Variants in COL22A1 observed in about 807,000 individuals in gnomAD.
COL22A1 encodes collagen alpha-1(XXII) chain.
COL22A1 carries 221 observed loss-of-function variants against 248.9 expected under a neutral mutation model. That is an observed-to-expected ratio of 0.89 (90% CI 0.80 to 0.99). The LOEUF (loss-of-function observed/expected upper bound fraction) is 0.99, where lower values mean the gene tolerates loss of function less well. Among genes scored for constraint, COL22A1 ranks in the 50% least tolerant of loss-of-function variants. COL22A1 has a pLI of 0.00. For synonymous variants in COL22A1, 891 were observed against 793.4 expected (o/e 1.12, Z -2.07); for missense variants, 2,240 against 2,179.0 (o/e 1.03, Z -0.56).
At chr8:138,877,258 G>T (rs550114350) in intron 3 of COL22A1, among the ~76,000 whole-genome samples, 1 of 152,208 alleles carries the variant, frequency 6.6e-6, no homozygotes, top group Non-Finnish European at 1.5e-5. Context: ...GGGCTGCTGG[G>T]AAGAGCCGAG....
In COL22A1 at chr8:138,883,205, G is replaced by A; in HGVS notation, c.-33C>T. ...CTGTTCTTGGGGACAGGCTTCTCTT[G>A]GCCAGGAAGAGACGCTGTTAGGGTC... On this transcript the variant is annotated 5_prime_UTR_variant, in exon 2 of 65. Transcript: ENST00000303045. The A allele has an allele frequency of 6.5e-7, 1 of 1,549,528 alleles. No individual in the cohort carries two copies. The highest frequency in any genetic ancestry group is 1.2e-5 in the South Asian group (1 of 84,208).
rs1401906375 is a variant in COL22A1 at position 138,646,671 on chromosome 8, C to T, written c.3459G>A (p.Gly1153=). The T allele has an allele frequency of 8.2e-6, 13 of 1,579,372 alleles. No individual in the cohort carries two copies. Among genetic ancestry groups the T allele is most frequent in the African/African-American group, 1.3e-5 (1 of 74,278 alleles). The part of the protein sequence containing the change: ...EGTEGKKGEA[G]PPGLPGPPGI... The stretch of plus-strand genomic sequence containing the variant: ...CTGGGGGCCCTGGTAGGCCTGGAGG[C>T]CCAGCCTCTCCCTGTATCAGGGATA... Residue 1153 remains glycine (G), a synonymous_variant, in exon 47 of 65, where the codon GGG becomes GGA. Transcript: ENST00000303045.
chr8:138,591,988 C>A lies in COL22A1; in HGVS notation c.4616-487G>T, dbSNP rs143893101. Among the ~76,000 whole-genome samples the A allele has an allele frequency of 1.9e-3, 288 of 152,262 alleles. 2 individuals are homozygous for A. The highest frequency in any genetic ancestry group is 6.8e-3 in the African/African-American group (284 of 41,564). Reference sequence around the variant, plus strand: ...CTTCCTGTGTTTTCAAAGCATTGTACCTGAACCTTTGTCAGGAAGAAACTG... The same window carrying A: ...CTTCCTGTGTTTTCAAAGCATTGTAACTGAACCTTTGTCAGGAAGAAACTG... On this transcript the variant is annotated intron_variant, in intron 63 of 64. Coordinates refer to ENST00000303045, the MANE Select transcript of COL22A1 (RefSeq NM_152888.3).
intron 3 of COL22A1, among the ~76,000 whole-genome samples, chr8:138,844,466 C>T (rs1360199688): frequency 6.6e-6 from 1 of 152,212 alleles, no homozygotes; most frequent in Non-Finnish European, 1.5e-5. Flanking sequence ...TCAATATTAA[C>T]AACATAGCGG....
chr8:138,606,477 A>T, intron 57 of COL22A1, 25 bp from the exon 58 acceptor site: 1 of 1,610,132 alleles, frequency 6.2e-7, no homozygotes, highest in Non-Finnish European at 8.5e-7. Context: ...CTGAGAATTA[A>T]TTCCTCAAGG....
At chr8:138,618,964 C>G (rs1417619212) in intron 53 of COL22A1, among the ~76,000 whole-genome samples, 1 of 152,090 alleles carries the variant, frequency 6.6e-6, no homozygotes, top group African/African-American at 2.4e-5. Context: ...AAAAAATACA[C>G]TGAATATTAA....
intron 10 of COL22A1, among the ~76,000 whole-genome samples, chr8:138,803,227 C>T (rs970630507): frequency 6.6e-6 from 1 of 152,170 alleles, no homozygotes; most frequent in Non-Finnish European, 1.5e-5. Context: ...ACCAGGGCCT[C>T]GGAAGGGGAA....
chr8:138,774,345 A>G lies in COL22A1; in HGVS notation c.1803+1621T>C, dbSNP rs186329520. 3.1e-3 allele frequency among the ~76,000 whole-genome samples: 467 copies of G among 152,184 alleles called. 3 individuals are homozygous for G. The highest frequency in any genetic ancestry group is 0.011 in the African/African-American group (445 of 41,524). Reference sequence around the variant, plus strand: ...AATTTCACTTCTGGGAAAGCAGCCTAAGGAAATAATCATAAATTTGAAAAT... The same window carrying G: ...AATTTCACTTCTGGGAAAGCAGCCTGAGGAAATAATCATAAATTTGAAAAT... On this transcript the variant is annotated intron_variant, in intron 16 of 64. Coordinates refer to ENST00000303045, the MANE Select transcript of COL22A1 (RefSeq NM_152888.3).
chr8:138,625,013 T>C (rs1820122480), intron 51 of COL22A1, among the ~76,000 whole-genome samples: 1 of 152,202 alleles, frequency 6.6e-6, no homozygotes, highest in Admixed American at 6.5e-5. Context: ...CAGGCATGCT[T>C]CAATGTTACG....
chr8:138,643,896 C>T (rs1409098942), intron 47 of COL22A1, among the ~76,000 whole-genome samples: 1 of 152,008 alleles, frequency 6.6e-6, no homozygotes, highest in Admixed American at 6.6e-5. Context: ...TGAGGTTTCA[C>T]CATGTTGGCC....
At chr8:138,652,348 A>G (rs1822812519) in intron 45 of COL22A1, among the ~76,000 whole-genome samples, 1 of 152,252 alleles carries the variant, frequency 6.6e-6, no homozygotes. Flanking sequence ...AATTAATGGA[A>G]AATGCCTGAC....
intron 12 of COL22A1, among the ~76,000 whole-genome samples, chr8:138,781,914 A>G (rs1815048202): frequency 6.6e-6 from 1 of 152,254 alleles, no homozygotes; most frequent in South Asian, 2.1e-4. Context: ...ATGAAACTCT[A>G]CTATGTAAAG....
intron 15 of COL22A1, 144 bp downstream of exon 15, chr8:138,778,209 G>A: frequency 1.2e-6 from 1 of 850,642 alleles, no homozygotes; most frequent in South Asian, 1.4e-5. Flanking sequence ...TCTGGTCTAA[G>A]AAAGGAGATA....
intron 1 of COL22A1, among the ~76,000 whole-genome samples, chr8:138,904,609 T>A (rs1814873933): frequency 1.1e-5 from 1 of 91,524 alleles, no homozygotes; most frequent in Admixed American, 9.3e-5. Context: ...TCTTCCCAAT[T>A]TTTTTTCTCT....
intron 41 of COL22A1, among the ~76,000 whole-genome samples, chr8:138,671,890 C>T (rs964353324): frequency 6.6e-6 from 1 of 152,072 alleles, no homozygotes; most frequent in Non-Finnish European, 1.5e-5. Flanking sequence ...TTTCTCTAGC[C>T]TGCTTTGTTG....
intron 23 of COL22A1, among the ~76,000 whole-genome samples, chr8:138,734,168 T>C (rs1402178627): frequency 6.6e-6 from 1 of 152,188 alleles, no homozygotes; most frequent in Non-Finnish European, 1.5e-5. Context: ...CCATGGAAAC[T>C]GTGAGGAGCA....
At chr8:138,635,101 GA>G (rs1177276921) in intron 48 of COL22A1, 38 bp from the exon 49 acceptor site, 3 of 1,506,330 alleles carry the variant, frequency 2.0e-6, no homozygotes, top group African/African-American at 2.8e-5. Flanking sequence ...AAAATGACTT[GA>G]AAAATACTTT....
At chr8:138,841,542 C>A (rs1378370210) in intron 4 of COL22A1, among the ~76,000 whole-genome samples, 3 of 152,108 alleles carry the variant, frequency 2.0e-5, no homozygotes, top group African/African-American at 7.2e-5. Flanking sequence ...GGGAGTACTG[C>A]ATCTTTGGGG....
At chr8:138,762,327 C>G in intron 17 of COL22A1, 86 bp downstream of exon 17, 2 of 1,355,390 alleles carry the variant, frequency 1.5e-6, no homozygotes, top group Admixed American at 1.7e-5. Flanking sequence ...GGTGCTGAGG[C>G]TCTGTGGAGC....
Sources: allele counts gnomAD v4.1 joint callset (sites outside exome capture counted in the v4.1 genomes callset), GRCh38; gene constraint gnomAD v4.1.1; transcripts MANE v1.5; gene names NCBI Gene and HGNC (gene_info 2026-07-23, HGNC 2026-07-21).